The following SELP variants were observed in gnomAD, a reference collection of about 807,000 sequenced individuals.
SELP encodes P-selectin.
SELP carries 92 observed loss-of-function variants against 104.1 expected under a neutral mutation model. That is an observed-to-expected ratio of 0.88 (90% confidence interval 0.75 to 1.05). SELP has a LOEUF of 1.05. Among genes scored for constraint, SELP ranks in the 50% least tolerant of loss-of-function variants. SELP has a pLI of 0.00. For synonymous variants in SELP, 397 were observed against 364.5 expected (o/e 1.09, Z -1.01); for missense variants, 1,022 against 1,017.3 (o/e 1.00, Z -0.06).
chr1:169,628,328 A>G (rs1663478768), intron 1 of SELP, among the ~76,000 whole-genome samples: 1 of 152,258 alleles, frequency 6.6e-6, no homozygotes, highest in Non-Finnish European at 1.5e-5. Flanking sequence ...CTCAGGTCCT[A>G]AAAGTTAATT....
chr1:169,609,184 A>G, intron 8 of SELP, among the ~76,000 whole-genome samples: 1 of 152,018 alleles, frequency 6.6e-6, no homozygotes, highest in Non-Finnish European at 1.5e-5. Context: ...TGAGCTAAAC[A>G]CCTTGTCCAT....
rs1662399400 is a variant in SELP, at chr1:169,609,658, G to A, written c.1179C>T (p.Val393=). ...AISCEPLESP[V]HGSMDCSPSL... is the part of the protein sequence containing the mutation. Reference sequence around the variant, plus strand: ...ATGGAGAGCAATCCATGCTTCCGTGGACAGGACTCTCCAGCGGCTCACACG... The same window carrying A: ...ATGGAGAGCAATCCATGCTTCCGTGAACAGGACTCTCCAGCGGCTCACACG... Residue 393 remains valine (V), a synonymous_variant, in exon 8 of 17, where the codon GTC becomes GTT. Transcript: ENST00000263686. 1 of 1,613,786 alleles carries A rather than the reference G, an allele frequency of 6.2e-7. No individual in the cohort carries two copies. Among genetic ancestry groups the A allele is most frequent in the Non-Finnish European group, 8.5e-7 (1 of 1,179,884 alleles).
chr1:169,624,851 G>A (rs1261016372), intron 1 of SELP, among the ~76,000 whole-genome samples: 1 of 152,184 alleles, frequency 6.6e-6, no homozygotes, highest in East Asian at 1.9e-4. Flanking sequence ...CACACAAGGA[G>A]GTACCAGAGG....
At chr1:169,611,905 T>A (rs1224630995) in intron 6 of SELP, among the ~76,000 whole-genome samples, 3 of 152,074 alleles carry the variant, frequency 2.0e-5, no homozygotes, top group Admixed American at 6.5e-5. Context: ...CTCTATTCCC[T>A]ATACTTCTAT....
intron 9 of SELP, among the ~76,000 whole-genome samples, chr1:169,604,951 G>A (rs912133398): frequency 1.3e-5 from 2 of 152,212 alleles, no homozygotes; most frequent in South Asian, 4.1e-4. Flanking sequence ...TTCCTGCCCA[G>A]CCCACATTTG....
chr1:169,589,444 A>G lies in SELP; in HGVS notation c.*19T>C, dbSNP rs1661239163. 6.6e-6 allele frequency: 1 copy of G among 152,266 alleles called. No homozygotes were observed. The highest frequency in any genetic ancestry group is 2.4e-5 in the African/African-American group (1 of 41,422). 9.4% of individuals were successfully genotyped at this position (152,266 alleles called of 1,614,324 possible). A position where few individuals can be genotyped will look rare whatever the true frequency, so the allele number is the denominator to read the frequency against. ...TAAGGTAATTCCATGTCTTTGATTC[A>G]TGGGTGTTTATGGAAACCTGCAGCA... On this transcript the variant is annotated 3_prime_UTR_variant, in exon 17 of 17. Coordinates refer to ENST00000263686, the MANE Select transcript of SELP (RefSeq NM_003005.4).
chr1:169,610,316 C>A (rs1662456615), intron 7 of SELP, among the ~76,000 whole-genome samples: 1 of 152,080 alleles, frequency 6.6e-6, no homozygotes, highest in African/African-American at 2.4e-5. Flanking sequence ...GTGAGTGCAG[C>A]CAAAGTGAAT....
At chr1:169,613,866 G>A (rs906576827) in intron 3 of SELP, among the ~76,000 whole-genome samples, 173 bp from the exon 4 acceptor site, 2 of 152,218 alleles carry the variant, frequency 1.3e-5, no homozygotes, top group Non-Finnish European at 2.9e-5. Flanking sequence ...AAGCATTGTA[G>A]GGGCCTGCTG....
intron 13 of SELP, 127 bp downstream of exon 13, chr1:169,594,565 C>T: frequency 3.6e-6 from 3 of 842,042 alleles, no homozygotes; most frequent in Non-Finnish European, 5.6e-6. Context: ...CATTGTGAAA[C>T]ACTTATTAAG....
intron 1 of SELP, among the ~76,000 whole-genome samples, chr1:169,626,627 C>A (rs145450425): frequency 6.6e-6 from 1 of 152,174 alleles, no homozygotes; most frequent in Non-Finnish European, 1.5e-5. Context: ...GTCACAAATA[C>A]CAGTTGGCAG....
chr1:169,618,439 G>A (rs1662932607), intron 2 of SELP, among the ~76,000 whole-genome samples: 1 of 152,152 alleles, frequency 6.6e-6, no homozygotes, highest in South Asian at 2.1e-4. Flanking sequence ...AAGTATAAAG[G>A]TACTACAGCA....
intron 1 of SELP, among the ~76,000 whole-genome samples, chr1:169,624,706 C>T (rs1663291615): frequency 6.6e-6 from 1 of 152,148 alleles, no homozygotes; most frequent in Non-Finnish European, 1.5e-5. Flanking sequence ...CCGAGACACT[C>T]CAGCCTTGGC....
chr1:169,617,782 G>A (rs1453615125), intron 2 of SELP, among the ~76,000 whole-genome samples: 1 of 152,202 alleles, frequency 6.6e-6, no homozygotes. Context: ...CATATAAAAT[G>A]TCTTAAGGGC....
At chr1:169,605,866 A>AAT (rs2101891549) in intron 9 of SELP, among the ~76,000 whole-genome samples, 1 of 152,300 alleles carries the variant, frequency 6.6e-6, no homozygotes, top group Non-Finnish European at 1.5e-5. Flanking sequence ...CATTGTCTAT[A>AAT]AAAGTTAACT....
intron 11 of SELP, among the ~76,000 whole-genome samples, chr1:169,596,342 T>A (rs779024653): frequency 2.1e-4 from 32 of 152,278 alleles, no homozygotes; most frequent in Non-Finnish European, 4.1e-4. Flanking sequence ...CTTGAGGAGA[T>A]GATTCTCCTG....
chr1:169,590,306 T>C, intron 15 of SELP, 104 bp from the exon 16 acceptor site: 1 of 817,484 alleles, frequency 1.2e-6, no homozygotes, highest in Non-Finnish European at 2.1e-6. Context: ...CATCCACCCT[T>C]GGAATTCTGC....
intron 10 of SELP, among the ~76,000 whole-genome samples, chr1:169,601,904 G>C (rs1187503380): frequency 6.6e-6 from 1 of 151,908 alleles, no homozygotes; most frequent in Non-Finnish European, 1.5e-5. Flanking sequence ...CATTATCACT[G>C]GTCTCATTAT....
intron 12 of SELP, among the ~76,000 whole-genome samples, chr1:169,595,448 A>G (rs764715568): frequency 6.6e-6 from 1 of 152,196 alleles, no homozygotes; most frequent in Admixed American, 6.5e-5. Flanking sequence ...GCACTGTGCT[A>G]TGTTTTGTGG....
chr1:169,605,572 C>T (rs1662146916), intron 9 of SELP, among the ~76,000 whole-genome samples: 1 of 151,944 alleles, frequency 6.6e-6, no homozygotes, highest in Non-Finnish European at 1.5e-5. Context: ...TATGTATCTG[C>T]CCACTTTCAC....
Sources: gnomAD v4.1 joint callset for allele counts (sites outside exome capture counted in the v4.1 genomes callset) on GRCh38, gnomAD v4.1.1 for gene constraint, MANE v1.5 for transcripts, NCBI Gene and HGNC (gene_info 2026-07-23, HGNC 2026-07-21) for gene names.